Variants in EYS observed in about 807,000 individuals in gnomAD.
EYS encodes EGF-like photoreceptor maintenance factor.
In EYS, 250 loss-of-function variants were observed where a neutral mutation model predicts 282.1. That is an observed-to-expected ratio of 0.89 (90% CI 0.80 to 0.98). EYS has a LOEUF of 0.98. Among genes scored for constraint, EYS ranks in the 50% least tolerant of loss-of-function variants. The pLI is 0.00. For synonymous variants in EYS, 1,355 were observed against 1,282.9 expected (o/e 1.06, Z -1.20); for missense variants, 4,016 against 3,709.0 (o/e 1.08, Z -2.15).
In EYS at chr6:65,213,054, G is replaced by A. The variant is rs577507355; in HGVS notation, c.2023+82809C>T. ...TTATTTTTTTTTCCTTTGATGTAGA[G>A]GAATTATTTATAGTGAGGCATGTTA... On this transcript the variant is annotated intron_variant, in intron 12 of 42. Coordinates refer to ENST00000503581, the MANE Select transcript of EYS (RefSeq NM_001142800.2). 5.1e-4 allele frequency among the ~76,000 whole-genome samples: 77 copies of A among 152,012 alleles called. No homozygotes were observed. In the South Asian group the frequency reaches 9.1e-3, roughly 18 times the overall value.
intron 13 of EYS, among the ~76,000 whole-genome samples, chr6:65,009,264 A>G (rs1034544046): frequency 6.6e-6 from 1 of 152,018 alleles, no homozygotes; most frequent in Admixed American, 6.6e-5. Context: ...AAAATTAAGG[A>G]CCTAAAAGCC....
intron 29 of EYS, among the ~76,000 whole-genome samples, chr6:64,361,434 T>G (rs898733107): frequency 6.6e-6 from 1 of 151,744 alleles, no homozygotes; most frequent in Non-Finnish European, 1.5e-5. Context: ...CAGGGAAGCA[T>G]TCACAATGCA....
At chr6:64,839,450 A>G (rs1765495793) in intron 19 of EYS, among the ~76,000 whole-genome samples, 1 of 152,074 alleles carries the variant, frequency 6.6e-6, no homozygotes, top group Non-Finnish European at 1.5e-5. Context: ...GTACAAATTT[A>G]CAGGGAAAAT....
intron 5 of EYS, among the ~76,000 whole-genome samples, chr6:65,478,253 G>C (rs1288507180): frequency 6.6e-6 from 1 of 151,980 alleles, no homozygotes; most frequent in Non-Finnish European, 1.5e-5. Context: ...CAATCACTAA[G>C]ACTAGTTGAT....
At chr6:64,119,872 A>C (rs893569934) in intron 31 of EYS, among the ~76,000 whole-genome samples, 3 of 152,162 alleles carry the variant, frequency 2.0e-5, no homozygotes, top group Non-Finnish European at 2.9e-5. Context: ...TCTTAGCCCT[A>C]CTTTTTGGAT....
intron 23 of EYS, among the ~76,000 whole-genome samples, chr6:64,623,581 G>C (rs781643979): frequency 1.3e-5 from 2 of 152,042 alleles, no homozygotes; most frequent in African/African-American, 4.8e-5. Flanking sequence ...TCACACATTT[G>C]ATCTTCGAAA....
intron 33 of EYS, among the ~76,000 whole-genome samples, chr6:64,010,120 T>A (rs1188544339): frequency 6.6e-6 from 1 of 152,184 alleles, no homozygotes; most frequent in Non-Finnish European, 1.5e-5. Flanking sequence ...ATGAACCTGC[T>A]GTGCTGGCAG....
At chr6:64,738,586 GC>G (rs1772264456) in intron 22 of EYS, among the ~76,000 whole-genome samples, 1 of 152,032 alleles carries the variant, frequency 6.6e-6, no homozygotes, top group Non-Finnish European at 1.5e-5. Context: ...CAAGTTAAAG[GC>G]CCTTATATTT....
At chr6:65,163,414 A>G (rs1342015424) in intron 12 of EYS, among the ~76,000 whole-genome samples, 1 of 151,262 alleles carries the variant, frequency 6.6e-6, no homozygotes, top group Admixed American at 6.6e-5. Flanking sequence ...AAAATTGTCC[A>G]TATGTTTCTT....
chr6:65,434,535 C>A (rs551161889), intron 5 of EYS, among the ~76,000 whole-genome samples: 1 of 151,988 alleles, frequency 6.6e-6, no homozygotes, highest in African/African-American at 2.4e-5. Context: ...TTAGCCAGGA[C>A]GGTTTCGATC....
chr6:63,848,200 A>G (rs929930393), intron 36 of EYS, among the ~76,000 whole-genome samples: 1 of 152,098 alleles, frequency 6.6e-6, no homozygotes, highest in African/African-American at 2.4e-5. Flanking sequence ...AGATTGCTGT[A>G]TTAGCTGAAG....
At chr6:64,347,589 G>A (rs900867206) in intron 29 of EYS, among the ~76,000 whole-genome samples, 3 of 73,908 alleles carry the variant, frequency 4.1e-5, no homozygotes, top group East Asian at 2.6e-4. Flanking sequence ...TTGAAGATAC[G>A]CAAAGAAAAA....
intron 2 of EYS, among the ~76,000 whole-genome samples, chr6:65,578,436 C>T (rs777503377): frequency 2.2e-3 from 332 of 151,672 alleles, no homozygotes; most frequent in African/African-American, 7.8e-3. Context: ...ATTGTTGTTA[C>T]GAGAGGCTTT....
chr6:65,116,059 AC>A (rs1775366390), intron 12 of EYS, among the ~76,000 whole-genome samples: 1 of 152,064 alleles, frequency 6.6e-6, no homozygotes, highest in Admixed American at 6.6e-5. Context: ...GACATCTAAA[AC>A]AAATTAGATA....
chr6:65,595,975 G>A (rs1765390292), intron 2 of EYS, among the ~76,000 whole-genome samples: 1 of 152,088 alleles, frequency 6.6e-6, no homozygotes, highest in Admixed American at 6.6e-5. Flanking sequence ...CCCTATCTCA[G>A]TGGAAAAACA....
intron 31 of EYS, among the ~76,000 whole-genome samples, chr6:64,112,532 C>A (rs1387547159): frequency 3.3e-5 from 5 of 151,458 alleles, no homozygotes; most frequent in Admixed American, 1.3e-4. Flanking sequence ...AGTTAACATA[C>A]CCACCATCTC....
intron 12 of EYS, among the ~76,000 whole-genome samples, chr6:65,114,142 A>G (rs1488854282): frequency 6.6e-6 from 1 of 151,970 alleles, no homozygotes; most frequent in Non-Finnish European, 1.5e-5. Flanking sequence ...TATCCAACAA[A>G]TGATAGTTTC....
At chr6:65,619,039 CT>C in intron 2 of EYS, among the ~76,000 whole-genome samples, 1 of 152,162 alleles carries the variant, frequency 6.6e-6, no homozygotes, top group Admixed American at 6.5e-5. Context: ...GATGCGGGCT[CT>C]TTTTTGGTTC....
intron 2 of EYS, among the ~76,000 whole-genome samples, chr6:65,508,199 C>T (rs1163647188): frequency 6.6e-6 from 1 of 152,126 alleles, no homozygotes; most frequent in African/African-American, 2.4e-5. Flanking sequence ...AAGTACTCAT[C>T]TACAGAGAAT....
Sources: allele counts gnomAD v4.1 joint callset (sites outside exome capture counted in the v4.1 genomes callset), GRCh38; gene constraint gnomAD v4.1.1; transcripts MANE v1.5; gene names NCBI Gene and HGNC (gene_info 2026-07-23, HGNC 2026-07-21).